Variants in TRPM1 observed in about 807,000 individuals in gnomAD.
The protein encoded by TRPM1 is TRPM1-203 APA Isoform, Intron 10.
A neutral mutation model predicts 149.4 loss-of-function variants in TRPM1; 113 were observed. The observed-to-expected ratio is 0.76, with a 90% confidence interval of 0.65 to 0.88. The LOEUF (loss-of-function observed/expected upper bound fraction) is 0.88. TRPM1 is among the 40% of genes least tolerant of loss of function. The probability of loss-of-function intolerance (pLI) is 0.00; values close to 1 mark genes in which losing one functional copy is unlikely to be tolerated. For missense variants in TRPM1, 1,976 were observed against 2,038.7 expected, an observed-to-expected ratio of 0.97 and a Z score of 0.59; for synonymous variants, 741 against 759.5, an observed-to-expected ratio of 0.98 and a Z score of 0.40.
In TRPM1 at chr15:31,063,570, C is replaced by G. The variant is rs150266900; in HGVS notation, c.791-278G>C. ...CCTCCCTCTCAGCTCAGGCAATCCTCCCACCTCAGCCTCCTGAGTAGCTGG... is the reference window on the plus strand; with the variant it reads ...CCTCCCTCTCAGCTCAGGCAATCCTGCCACCTCAGCCTCCTGAGTAGCTGG... On this transcript the variant is annotated intron_variant, in intron 7 of 27. Transcript: ENST00000256552. Among the ~76,000 whole-genome samples the G allele has an allele frequency of 4.5e-3, 687 of 152,230 alleles. 6 individuals carry two copies. The highest frequency in any genetic ancestry group is 0.016 in the African/African-American group (656 of 41,522).
chr15:31,141,340 G>A (rs2036159153), intron 1 of TRPM1, among the ~76,000 whole-genome samples: 1 of 151,998 alleles, frequency 6.6e-6, no homozygotes, highest in African/African-American at 2.4e-5. Context: ...AATTAATATA[G>A]GTAATTCTGT....
intron 26 of TRPM1, 92 bp downstream of exon 26, chr15:31,026,823 G>T: frequency 7.4e-7 from 1 of 1,344,658 alleles, no homozygotes; most frequent in Non-Finnish European, 1.1e-6. Flanking sequence ...TTTCACACGA[G>T]CAAGTAGTTG....
At chr15:31,071,980 C>CCATATATATATAT (rs1448196967) in intron 3 of TRPM1, among the ~76,000 whole-genome samples, 1 of 77,290 alleles carries the variant, frequency 1.3e-5, no homozygotes, top group African/African-American at 6.4e-5. Context: ...AAAAAAAAAA[C>CCATATATATATAT]ATATATATAT....
At chr15:31,140,157 A>G (rs1258535564) in intron 1 of TRPM1, among the ~76,000 whole-genome samples, 1 of 151,178 alleles carries the variant, frequency 6.6e-6, no homozygotes, top group African/African-American at 2.4e-5. Flanking sequence ...ACCTGAGGAC[A>G]GGAGTTTGAG....
At chr15:31,036,299 A>G (rs1265058167) in intron 20 of TRPM1, among the ~76,000 whole-genome samples, 1 of 152,116 alleles carries the variant, frequency 6.6e-6, no homozygotes, top group Non-Finnish European at 1.5e-5. Flanking sequence ...TCTGAAGTAG[A>G]TCACCTGTCC....
intron 1 of TRPM1, among the ~76,000 whole-genome samples, chr15:31,141,894 G>A (rs1264086043): frequency 6.6e-6 from 1 of 152,164 alleles, no homozygotes; most frequent in Admixed American, 6.5e-5. Flanking sequence ...CCAGTGCCCT[G>A]AAGCCAGTTG....
At chr15:31,016,901 C>A (rs1442153501) in intron 27 of TRPM1, among the ~76,000 whole-genome samples, 1 of 151,664 alleles carries the variant, frequency 6.6e-6, no homozygotes, top group Non-Finnish European at 1.5e-5. Context: ...CAGATTAAAT[C>A]TTTGGGCTTT....
upstream of TRPM1, among the ~76,000 whole-genome samples, chr15:31,106,658 G>A (rs2035611131): frequency 6.6e-6 from 1 of 152,114 alleles, no homozygotes; most frequent in Admixed American, 6.6e-5. Flanking sequence ...TCCCTGAGTG[G>A]ATGCATGAGA....
At position 31,002,690 on chromosome 15, in the gene TRPM1, T is replaced by C. The variant is rs773938060; in HGVS notation, c.4010A>G (p.His1337Arg). 10 of 1,614,176 alleles carry C rather than the reference T, an allele frequency of 6.2e-6. No homozygotes were observed. The South Asian group carries it at 7.7e-5, about 12-fold the overall frequency. ...RIKEEKDVKT[H>R]LVPECQNSLH... ...ACTGTTCTGACATTCTGGGACTAGGTGCGTTTTCACGTCCTTCTCTTCCTT... is the reference window on the plus strand; with the variant it reads ...ACTGTTCTGACATTCTGGGACTAGGCGCGTTTTCACGTCCTTCTCTTCCTT... The change falls in exon 28 of 28, where the codon CAC becomes CGC. Residue 1337 changes from histidine (H) to arginine (R), a missense_variant. His to Arg is a conservative substitution (Grantham distance 29). Around this residue, in one of 3 missense-constraint regions of TRPM1, gnomAD observed 572 missense variants for 578.9 expected, o/e 0.99. Coordinates refer to ENST00000256552, the MANE Select transcript of TRPM1 (RefSeq NM_001252024.2).
intron 6 of TRPM1, 54 bp downstream of exon 6, chr15:31,067,008 CA>C (rs11354407): frequency 0.14 from 231,031 of 1,610,682 alleles, 18,077 homozygotes; most frequent in African/African-American, 0.27. Context: ...ACGGTTACCT[CA>C]AAATCAATCA....
At chr15:31,035,173 T>C (rs567109370) in intron 21 of TRPM1, among the ~76,000 whole-genome samples, 10 of 152,302 alleles carry the variant, frequency 6.6e-5, no homozygotes, top group African/African-American at 2.2e-4. Context: ...CCGGCTAATT[T>C]TTGTATTTTT....
chr15:31,135,662 G>A (rs8031296), intron 1 of TRPM1, among the ~76,000 whole-genome samples: 48,273 of 151,812 alleles, frequency 0.32, 7,962 homozygotes, highest in African/African-American at 0.4. Context: ...AGGTCCCTCA[G>A]GAGTATCTTG....
In TRPM1 at chr15:31,003,029, C is replaced by T. The variant is rs1326348385; in HGVS notation, c.3671G>A (p.Arg1224Lys). The change falls in exon 28 of 28, where the codon AGA becomes AAA. Residue 1224 changes from arginine (R) to lysine (K), a missense_variant. This residue lies in a region of TRPM1 where 572 missense variants were observed against 578.9 expected (regional missense o/e 0.99). Coordinates refer to ENST00000256552, the MANE Select transcript of TRPM1 (RefSeq NM_001252024.2). Reference sequence around the variant, plus strand: ...CAGGGAAGTTTTCATAAAAGTTTCTCTTTCATTGATTTCTTCCAACCTCAT... The same window carrying T: ...CAGGGAAGTTTTCATAAAAGTTTCTTTTTCATTGATTTCTTCCAACCTCAT... ...MSMRLEEINE[R>K]ETFMKTSLQT... 1.0e-5 allele frequency: 16 copies of T among 1,598,858 alleles called. No homozygotes were observed. Among genetic ancestry groups the T allele is most frequent in the Non-Finnish European group, 1.4e-5 (16 of 1,175,712 alleles).
rs1313073942 is a variant in TRPM1 at position 31,002,479 on chromosome 15, ATC to A, written c.4219_4220del (p.Asp1407CysfsTer42). The A allele has an allele frequency of 6.2e-7, 1 of 1,614,146 alleles. No homozygotes were observed. Among genetic ancestry groups the A allele is most frequent in the African/African-American group, 1.3e-5 (1 of 75,042 alleles). On this transcript the variant is annotated frameshift_variant, in exon 28 of 28. Transcript: ENST00000256552. LOFTEE classifies it low-confidence loss of function (END_TRUNC). ...CTGATTTGTCCTGTCCATGTATCAC[ATC>A]TGTTTTATTTAAACTTGGGGAAATA... ...ETISPSLNKT[D>X]VIHGQDKSDV... is the part of the protein sequence containing the mutation.
At position 31,149,745 on chromosome 15, in the gene TRPM1, T is replaced by C. The variant is rs1183511162; in HGVS notation, c.54+11161A>G. 2.0e-5 allele frequency among the ~76,000 whole-genome samples: 3 copies of C among 152,164 alleles called. No individual in the cohort carries two copies. The East Asian group carries it at 5.8e-4, about 29-fold the overall frequency. On this transcript the variant is annotated intron_variant, in intron 1 of 26. Transcript: ENST00000542188. ...CGTGTTAGCCAGGATGGTCTCGATCTCCTGACCTTGTGATCCGCCCGCCTT... is the reference window on the plus strand; with the variant it reads ...CGTGTTAGCCAGGATGGTCTCGATCCCCTGACCTTGTGATCCGCCCGCCTT...
rs371356729 is a variant in TRPM1, at chr15:31,040,188, G to C, written c.2246C>G (p.Thr749Ser). Residue 749 changes from threonine to serine, a missense_variant, in exon 18 of 28, where the codon ACC becomes AGC. Thr to Ser is a moderately conservative substitution (Grantham distance 58). Transcript: ENST00000256552. The surrounding 1 kb of genome is among the most constrained non-coding windows in gnomAD (Gnocchi z 4.2). ...ATCGGTCAGCAGCATCTGGCTGCAG[G>C]TGTGAGCAATGAAGTCCCGGTGTTT... ...AAKHRDFIAHTCSQMLLTDMW... is the reference protein window; with the variant it reads ...AAKHRDFIAHSCSQMLLTDMW... 5.0e-5 allele frequency: 81 copies of C among 1,614,212 alleles called. 1 individual carries two copies. The East Asian group carries it at 1.0e-3, about 20-fold the overall frequency.
At chr15:31,116,964 G>A (rs2035806925) in intron 1 of TRPM1, among the ~76,000 whole-genome samples, 1 of 152,246 alleles carries the variant, frequency 6.6e-6, no homozygotes, top group Non-Finnish European at 1.5e-5. Flanking sequence ...AAGGCAGTGT[G>A]AAGAGAGAAA....
chr15:31,075,268 G>C (rs1217083857), intron 3 of TRPM1, among the ~76,000 whole-genome samples: 1 of 152,046 alleles, frequency 6.6e-6, no homozygotes, highest in Non-Finnish European at 1.5e-5. Context: ...TTGAAAGTGG[G>C]GTATTGAAGT....
Position 31,002,172 on chromosome 15 carries a change from T to C in TRPM1, c.4528A>G (p.Ile1510Val), listed in dbSNP as rs772139291. Reference protein sequence around the residue: ...TRSHSTDIPYIVSEAAVQAEH... With the variant: ...TRSHSTDIPYVVSEAAVQAEH... ...GCTTGCACTGCAGCTTCCGACACAATGTAAGGAATATCTGTGCTATGAGAG... is the reference window on the plus strand; with the variant it reads ...GCTTGCACTGCAGCTTCCGACACAACGTAAGGAATATCTGTGCTATGAGAG... The change falls in exon 28 of 28, where the codon ATT becomes GTT. Residue 1510 changes from isoleucine to valine, a missense_variant. By Grantham distance (29) the Ile-to-Val change is conservative. Around this residue, in one of 3 missense-constraint regions of TRPM1, gnomAD observed 572 missense variants for 578.9 expected, o/e 0.99. Transcript: ENST00000256552. The C allele has an allele frequency of 3.7e-6, 6 of 1,614,198 alleles. No homozygotes were observed. The highest frequency in any genetic ancestry group is 1.3e-5 in the African/African-American group (1 of 75,052).
Sources: allele counts gnomAD v4.1 joint callset (sites outside exome capture counted in the v4.1 genomes callset), GRCh38; gene constraint gnomAD v4.1.1; regional missense constraint gnomAD v4.1.1; non-coding constraint Gnocchi (gnomAD v3.1); transcripts MANE v1.5; gene names NCBI Gene and HGNC (gene_info 2026-07-23, HGNC 2026-07-21).